The following PRKG1 variants were observed in gnomAD, a reference collection of about 807,000 sequenced individuals.
The protein encoded by PRKG1 is cGMP-dependent protein kinase 1.
Under a neutral mutation model 88.1 loss-of-function variants are expected in PRKG1, and 35 were observed. That is an observed-to-expected ratio of 0.40 (90% CI 0.30 to 0.53). PRKG1 has a LOEUF of 0.53. Among genes scored for constraint, PRKG1 ranks in the 20% least tolerant of loss-of-function variants. The pLI is 0.59. For synonymous variants in PRKG1, 303 were observed against 292.5 expected (o/e 1.04, Z -0.37); for missense variants, 540 against 839.8 (o/e 0.64, Z 4.41).
intron 10 of PRKG1, among the ~76,000 whole-genome samples, chr10:52,264,140 G>A (rs1280514771): frequency 1.3e-5 from 2 of 151,544 alleles, no homozygotes; most frequent in Non-Finnish European, 2.9e-5. Context: ...TCTGAACGTA[G>A]AATCTAAGGC....
chr10:51,186,634 C>G (rs1837493737), intron 2 of PRKG1, among the ~76,000 whole-genome samples: 1 of 151,792 alleles, frequency 6.6e-6, no homozygotes, highest in South Asian at 2.1e-4. Context: ...AATTTTATAC[C>G]ATAGACAGTG....
At chr10:51,783,628 A>G (rs1225461837) in intron 3 of PRKG1, among the ~76,000 whole-genome samples, 3 of 152,158 alleles carry the variant, frequency 2.0e-5, no homozygotes, top group African/African-American at 7.2e-5. Context: ...AGCATTCATC[A>G]ACACCACCTG....
intron 3 of PRKG1, among the ~76,000 whole-genome samples, chr10:51,572,013 A>C (rs1837767342): frequency 6.6e-6 from 1 of 151,844 alleles, no homozygotes; most frequent in Non-Finnish European, 1.5e-5. Context: ...TGGGGTAAGG[A>C]TGTCAAAGTT....
rs139086772 is a variant in PRKG1 at position 51,166,688 on chromosome 10, A to C, written c.478+13358A>C. Among the ~76,000 whole-genome samples, 811 of 152,254 alleles carry C rather than the reference A, an allele frequency of 5.3e-3. 2 individuals are homozygous for C. The highest frequency in any genetic ancestry group is 7.9e-3 in the Non-Finnish European group (540 of 68,004). On this transcript the variant is annotated intron_variant, in intron 2 of 17. Transcript: ENST00000373980. ...GTACTCAAAGGCACATGAAATAGGA[A>C]AAATATTTTGGAAAATTTTTCTTCA...
At chr10:51,956,443 T>A (rs1184245164) in intron 5 of PRKG1, among the ~76,000 whole-genome samples, 1 of 151,966 alleles carries the variant, frequency 6.6e-6, no homozygotes, top group African/African-American at 2.4e-5. Flanking sequence ...CAATTTGAAA[T>A]AAGAAGCAAA....
chr10:51,772,088 A>T (rs1838318952), intron 3 of PRKG1, among the ~76,000 whole-genome samples: 1 of 152,192 alleles, frequency 6.6e-6, no homozygotes, highest in South Asian at 2.1e-4. Flanking sequence ...TCTCAAGAAT[A>T]AAATATGTAC....
At chr10:51,132,959 G>A (rs560668339) in intron 1 of PRKG1, among the ~76,000 whole-genome samples, 15 of 152,040 alleles carry the variant, frequency 9.9e-5, no homozygotes, top group African/African-American at 3.6e-4. Context: ...GCATATGGTC[G>A]AGTACTGGCT....
chr10:51,162,223 A>G (rs1268620328), intron 2 of PRKG1, among the ~76,000 whole-genome samples: 1 of 152,156 alleles, frequency 6.6e-6, no homozygotes, highest in South Asian at 2.1e-4. Context: ...TGTGGCTACC[A>G]TGGCAACAGC....
At chr10:51,008,035 G>T (rs1324817370) in intron 1 of PRKG1, among the ~76,000 whole-genome samples, 1 of 152,140 alleles carries the variant, frequency 6.6e-6, no homozygotes, top group African/African-American at 2.4e-5. Flanking sequence ...TCTGGCTCTA[G>T]GGCTCTGACA....
In PRKG1 at chr10:51,135,975, G is replaced by T. The variant is rs1845676326; in HGVS notation, c.312-17189G>T. 2.0e-5 allele frequency among the ~76,000 whole-genome samples: 3 copies of T among 146,800 alleles called. No individual in the cohort carries two copies. The Admixed American group carries it at 2.0e-4, about 10-fold the overall frequency. On this transcript the variant is annotated intron_variant, in intron 1 of 17. Transcript: ENST00000373980. ...CTCTGGGGACTGTTGTGGGGGAAGG[G>T]GGGAGGGGGGAGGGATAGCATTAGG...
intron 9 of PRKG1, among the ~76,000 whole-genome samples, chr10:52,244,373 C>T (rs80313648): frequency 6.6e-6 from 1 of 151,878 alleles, no homozygotes; most frequent in South Asian, 2.1e-4. Flanking sequence ...CAATAAGACT[C>T]TTTGTATAGC....
At chr10:51,929,439 C>G (rs543197776) in intron 5 of PRKG1, among the ~76,000 whole-genome samples, 2 of 151,274 alleles carry the variant, frequency 1.3e-5, no homozygotes, top group South Asian at 4.2e-4. Context: ...CAACCTCCAC[C>G]TCCCGGATTC....
intron 3 of PRKG1, among the ~76,000 whole-genome samples, chr10:51,494,574 A>C (rs1471442217): frequency 6.6e-6 from 1 of 152,208 alleles, no homozygotes; most frequent in Non-Finnish European, 1.5e-5. Flanking sequence ...GAACAAATGG[A>C]GATAGCAAAC....
At chr10:51,903,032 T>A (rs1028507276) in intron 4 of PRKG1, among the ~76,000 whole-genome samples, 26 of 152,172 alleles carry the variant, frequency 1.7e-4, no homozygotes, top group African/African-American at 6.0e-4. Flanking sequence ...TTAATAAAAT[T>A]TTTTGTACCT....
chr10:51,236,828 G>A (rs1839005989), intron 2 of PRKG1, among the ~76,000 whole-genome samples: 1 of 152,066 alleles, frequency 6.6e-6, no homozygotes, highest in Non-Finnish European at 1.5e-5. Flanking sequence ...TTCCAGTTTT[G>A]TGAGATGCCA....
chr10:51,827,535 C>G (rs1839907270), intron 4 of PRKG1, among the ~76,000 whole-genome samples: 1 of 151,980 alleles, frequency 6.6e-6, no homozygotes, highest in Admixed American at 6.6e-5. Context: ...TTACTAAATT[C>G]CAAACTGGGT....
chr10:51,474,223 A>T (rs1165790491), intron 3 of PRKG1, among the ~76,000 whole-genome samples: 2 of 152,118 alleles, frequency 1.3e-5, no homozygotes, highest in Non-Finnish European at 2.9e-5. Flanking sequence ...ACTAGTGAGA[A>T]GGAGGACCAT....
At chr10:51,906,036 A>T (rs1842079157) in intron 4 of PRKG1, among the ~76,000 whole-genome samples, 1 of 152,136 alleles carries the variant, frequency 6.6e-6, no homozygotes, top group Non-Finnish European at 1.5e-5. Flanking sequence ...GGAGAACTTG[A>T]CCTAGCTGGA....
intron 9 of PRKG1, among the ~76,000 whole-genome samples, chr10:52,214,725 G>T (rs567828435): frequency 1.3e-5 from 2 of 152,228 alleles, no homozygotes; most frequent in South Asian, 2.1e-4. Flanking sequence ...ACACAGCGAA[G>T]TTCCATTAAT....
Sources: allele counts gnomAD v4.1 joint callset (sites outside exome capture counted in the v4.1 genomes callset), GRCh38; gene constraint gnomAD v4.1.1; transcripts MANE v1.5; gene names NCBI Gene and HGNC (gene_info 2026-07-23, HGNC 2026-07-21).